The following RYR2 variants were observed in gnomAD, a reference collection of about 807,000 sequenced individuals.
The protein encoded by RYR2 is cardiac muscle ryanodine receptor-calcium release channel.
RYR2 carries 227 observed loss-of-function variants against 601.1 expected under a neutral mutation model. The ratio of observed to expected loss-of-function variants is 0.38; its 90% CI spans 0.34 to 0.42. The LOEUF (loss-of-function observed/expected upper bound fraction) is 0.42, where lower values mean the gene tolerates loss of function less well. RYR2 is among the 10% of genes least tolerant of loss of function. The probability of loss-of-function intolerance (pLI) is 1.00; values close to 1 mark genes in which losing one functional copy is unlikely to be tolerated. For missense variants in RYR2, 4,646 were observed against 6,156.5 expected (o/e 0.75, Z 8.21); for synonymous variants, 2,223 against 2,175.1 (o/e 1.02, Z -0.61).
rs182861933 is a variant in RYR2, at chr1:237,109,107, T to G, written c.48+66538T>G. On this transcript the variant is annotated intron_variant, in intron 1 of 104. Transcript: ENST00000366574. ...CCGAACATAACCGGAATAACCAGGG[T>G]AAAACCTAACCATCTGTGTATATAT... 5.9e-4 allele frequency among the ~76,000 whole-genome samples: 90 copies of G among 152,216 alleles called. 1 individual carries two copies. The highest frequency in any genetic ancestry group is 3.5e-3 in the South Asian group (17 of 4,820).
Position 237,106,362 on chromosome 1 carries a change from C to A in RYR2, c.48+63793C>A, listed in dbSNP as rs536321884. Among the ~76,000 whole-genome samples, 157 of 152,132 alleles carry A rather than the reference C, an allele frequency of 1.0e-3. 1 individual carries two copies. The highest frequency in any genetic ancestry group is 3.4e-3 in the Middle Eastern group (1 of 294). On this transcript the variant is annotated intron_variant, in intron 1 of 104. Coordinates refer to ENST00000366574, the MANE Select transcript of RYR2 (RefSeq NM_001035.3). The surrounding 1 kb of genome is among the most constrained non-coding windows in gnomAD (Gnocchi z 4.4). ...GGGGAGGTGGCACCGAGCAGCAGGA[C>A]CCTGGATATTTTTTTGGACATAGAG...
chr1:237,263,126 G>A (rs1688706508), intron 1 of RYR2, among the ~76,000 whole-genome samples: 2 of 152,146 alleles, frequency 1.3e-5, no homozygotes, highest in African/African-American at 2.4e-5. Flanking sequence ...TAATAGACAG[G>A]ATCGGTAATT....
intron 1 of RYR2, among the ~76,000 whole-genome samples, chr1:237,192,667 T>G (rs1680104625): frequency 6.6e-6 from 1 of 152,218 alleles, no homozygotes; most frequent in African/African-American, 2.4e-5. Flanking sequence ...ATGGGAGACA[T>G]TAATCATCTT....
intron 1 of RYR2, among the ~76,000 whole-genome samples, chr1:237,107,785 C>T (rs1203500499): frequency 1.3e-5 from 2 of 152,122 alleles, no homozygotes; most frequent in Non-Finnish European, 2.9e-5. Flanking sequence ...TTCACGGTGT[C>T]CTGCAGCCTT....
intron 47 of RYR2, among the ~76,000 whole-genome samples, chr1:237,641,543 TC>T (rs1270145845): frequency 6.8e-5 from 10 of 147,462 alleles, no homozygotes; most frequent in African/African-American, 2.3e-4. Flanking sequence ...TTCTTTTCTC[TC>T]TTTTTTTTTT....
intron 4 of RYR2, among the ~76,000 whole-genome samples, chr1:237,359,639 T>A (rs1571971334): frequency 1.3e-5 from 2 of 152,130 alleles, no homozygotes; most frequent in East Asian, 3.9e-4. Context: ...CTTTCTCCTT[T>A]CTCCCTCCCC....
intron 20 of RYR2, among the ~76,000 whole-genome samples, chr1:237,498,733 T>C (rs1664330944): frequency 6.6e-6 from 1 of 152,216 alleles, no homozygotes; most frequent in Admixed American, 6.5e-5. Flanking sequence ...GTATGCGTTA[T>C]ACCTTTTATT....
intron 2 of RYR2, among the ~76,000 whole-genome samples, chr1:237,284,242 G>A (rs939723890): frequency 4.6e-5 from 7 of 151,806 alleles, no homozygotes; most frequent in African/African-American, 7.3e-5. Flanking sequence ...TCAGCCGGGC[G>A]TGGTCGCGGG....
At position 237,705,299 on chromosome 1, in the gene RYR2, A is replaced by G. The variant is rs769380723; in HGVS notation, c.9536A>G (p.Asn3179Ser). ...TTGGAAACTCATCTGGACAAACATA[A>G]TATTTACTCCATCTACAATACCAAG... ...AFLETHLDKH[N>S]IYSIYNTKSS... The change falls in exon 67 of 105, where the codon AAT becomes AGT. Residue 3179 changes from asparagine to serine, a missense_variant. Around this residue, in one of 17 missense-constraint regions of RYR2, gnomAD observed 1,497 missense variants for 1,842.6 expected, o/e 0.81. Coordinates refer to ENST00000366574, the MANE Select transcript of RYR2 (RefSeq NM_001035.3). 1 of 1,604,752 alleles carries G rather than the reference A, an allele frequency of 6.2e-7. No homozygotes were observed. Among genetic ancestry groups the G allele is most frequent in the Non-Finnish European group, 8.5e-7 (1 of 1,174,652 alleles).
chr1:237,235,342 C>T (rs1685453167), intron 1 of RYR2, among the ~76,000 whole-genome samples: 1 of 152,096 alleles, frequency 6.6e-6, no homozygotes, highest in Non-Finnish European at 1.5e-5. Context: ...CGAGAGCAGC[C>T]CTGAAAGTGA....
intron 49 of RYR2, among the ~76,000 whole-genome samples, chr1:237,649,546 A>G (rs1211995936): frequency 6.6e-6 from 1 of 152,112 alleles, no homozygotes; most frequent in Admixed American, 6.5e-5. Context: ...TGCCTAGCAA[A>G]GGAAAATACT....
chr1:237,336,870 AAATT>A (rs1375425671), intron 3 of RYR2, among the ~76,000 whole-genome samples: 3 of 151,286 alleles, frequency 2.0e-5, no homozygotes, highest in South Asian at 2.1e-4. Context: ...ATAAATAAAT[AAATT>A]AATTAATTAA....
intron 2 of RYR2, among the ~76,000 whole-genome samples, chr1:237,275,819 G>C (rs1690228728): frequency 6.6e-6 from 1 of 151,958 alleles, no homozygotes; most frequent in Non-Finnish European, 1.5e-5. Flanking sequence ...AAGTTCCAAA[G>C]AATAGGAATA....
Position 237,207,609 on chromosome 1 carries a change from T to C in RYR2, c.49-62888T>C, listed in dbSNP as rs138192065. Among the ~76,000 whole-genome samples the C allele has an allele frequency of 5.8e-3, 883 of 152,276 alleles. 7 individuals are homozygous for C. The highest frequency in any genetic ancestry group is 0.02 in the African/African-American group (842 of 41,558). ...GCCCTTCTGCCTTGAGACCATGCAG[T>C]AAGAAGCCCTCACCGGATGCCGGCT... On this transcript the variant is annotated intron_variant, in intron 1 of 104. Transcript: ENST00000366574.
In RYR2 at chr1:237,454,503, C is replaced by G. The variant is rs776288769; in HGVS notation, c.1405C>G (p.His469Asp). The G allele has an allele frequency of 1.2e-6, 2 of 1,613,486 alleles. No homozygotes were observed. The highest frequency in any genetic ancestry group is 2.7e-5 in the African/African-American group (2 of 74,998). The change falls in exon 15 of 105, where the codon CAT (histidine) becomes GAT (aspartate). Residue 469 changes from histidine (H) to aspartate (D), a missense_variant. This residue lies in a region of RYR2 where 1,807 missense variants were observed against 2,088.1 expected (regional missense o/e 0.87). Transcript: ENST00000366574. Reference sequence around the variant, plus strand: ...TGGCTACTTCCACCCCCCAGATGAGCATTTAGAGCATGAAGACAAACAGAA... The same window carrying G: ...TGGCTACTTCCACCCCCCAGATGAGGATTTAGAGCATGAAGACAAACAGAA... ...LIGYFHPPDE[H>D]LEHEDKQNRL...
chr1:237,717,778 CTCCTCTGCAAGATTTAAGT>C lies in RYR2; in HGVS notation c.10494+432_10494+450del, dbSNP rs1157018808. 7.2e-5 allele frequency among the ~76,000 whole-genome samples: 11 copies of C among 151,794 alleles called. No homozygotes were observed. In the East Asian group the frequency reaches 7.7e-4, roughly 11 times the overall value. On this transcript the variant is annotated intron_variant, in intron 72 of 104. Transcript: ENST00000366574. ...GTTGACTTTTAAATCAGCTGCTGTT[CTCCTCTGCAAGATTTAAGT>C]TCCTCTGCAAGATTTAAGTTCTCAA...
At position 237,346,367 on chromosome 1, in the gene RYR2, C is replaced by CAAAAAAAAAAAAAAAAAA. The variant is rs397975831; in HGVS notation, c.274-9581_274-9580insAAAAAAAAAAAAAAAAAA. On this transcript the variant is annotated intron_variant, in intron 3 of 104. Coordinates refer to ENST00000366574, the MANE Select transcript of RYR2 (RefSeq NM_001035.3). ...CTGGGCAAAGTGAGAGGGTCTACCT[C>CAAAAAAAAAAAAAAAAAA]AAAAAAAAAAAAAAAAAGTGCATAT... is the stretch of plus-strand genomic sequence containing the variant. 6.1e-4 allele frequency among the ~76,000 whole-genome samples: 38 copies of CAAAAAAAAAAAAAAAAAA among 62,312 alleles called. 1 individual carries two copies. The highest frequency in any genetic ancestry group is 1.7e-3 in the African/African-American group (30 of 17,734). The allele number at this position is 62,312 out of a possible 152,430, so 40.9% of individuals were successfully genotyped here. A position where few individuals can be genotyped will look rare whatever the true frequency, so the allele number is the denominator to read the frequency against.
At chr1:237,779,384 C>CACAA (rs1322089781) in intron 88 of RYR2, among the ~76,000 whole-genome samples, 1 of 152,116 alleles carries the variant, frequency 6.6e-6, no homozygotes, top group Non-Finnish European at 1.5e-5. Context: ...CAAAAAGATA[C>CACAA]ACAAACAGAA....
chr1:237,129,338 T>G (rs1386214649), intron 1 of RYR2, among the ~76,000 whole-genome samples: 1 of 152,196 alleles, frequency 6.6e-6, no homozygotes, highest in Non-Finnish European at 1.5e-5. Context: ...GAAGCCCAGA[T>G]AAAGTCTTTG....
Sources: gnomAD v4.1 joint callset for allele counts (sites outside exome capture counted in the v4.1 genomes callset) on GRCh38, gnomAD v4.1.1 for gene constraint, gnomAD v4.1.1 regional missense constraint, Gnocchi (gnomAD v3.1) non-coding constraint, MANE v1.5 for transcripts, NCBI Gene and HGNC (gene_info 2026-07-23, HGNC 2026-07-21) for gene names.